The following RBM11 variants were observed in gnomAD, a reference collection of about 807,000 sequenced individuals.
The protein encoded by RBM11 is splicing regulator RBM11.
A neutral mutation model predicts 21.4 loss-of-function variants in RBM11; 18 were observed. The observed-to-expected ratio is 0.84, with a 90% CI of 0.58 to 1.25. The LOEUF (loss-of-function observed/expected upper bound fraction) is 1.25. Among genes scored for constraint, RBM11 ranks in the 50% most tolerant of loss-of-function variants. The pLI, the probability that RBM11 is intolerant of heterozygous loss-of-function variation, is 0.00. For missense variants in RBM11, 294 were observed against 331.9 expected, an observed-to-expected ratio of 0.89 and a Z score of 0.89; for synonymous variants, 120 against 116.3, an observed-to-expected ratio of 1.03 and a Z score of -0.20.
intron 1 of RBM11, among the ~76,000 whole-genome samples, chr21:14,216,513 G>A (rs1430115482): frequency 6.6e-6 from 1 of 152,114 alleles, no homozygotes; most frequent in African/African-American, 2.4e-5. Flanking sequence ...CAGGGACGTG[G>A]TTCCTTCAAC....
intron 1 of RBM11, among the ~76,000 whole-genome samples, chr21:14,219,059 GA>G (rs1297505805): frequency 6.6e-6 from 1 of 151,984 alleles, no homozygotes; most frequent in Non-Finnish European, 1.5e-5. Context: ...TTACCAGATG[GA>G]GTTTCCAAAT....
At chr21:14,224,212 C>A (rs1420969969) in intron 3 of RBM11, among the ~76,000 whole-genome samples, 1 of 152,100 alleles carries the variant, frequency 6.6e-6, no homozygotes, top group Admixed American at 6.5e-5. Flanking sequence ...TCTGCAGTGA[C>A]CCTTTTTCCA....
chr21:14,223,413 G>A (rs1476910321), intron 3 of RBM11, among the ~76,000 whole-genome samples: 1 of 152,138 alleles, frequency 6.6e-6, no homozygotes, highest in Admixed American at 6.5e-5. Flanking sequence ...CTATAACAAA[G>A]TACCGCAAAC....
intron 3 of RBM11, among the ~76,000 whole-genome samples, chr21:14,223,740 G>A (rs1978861867): frequency 6.6e-6 from 1 of 152,106 alleles, no homozygotes; most frequent in Non-Finnish European, 1.5e-5. Flanking sequence ...GAGGTGATTG[G>A]GTCATGAAGG....
intron 4 of RBM11, among the ~76,000 whole-genome samples, chr21:14,225,849 T>C (rs1304743704): frequency 6.6e-6 from 1 of 152,102 alleles, no homozygotes; most frequent in East Asian, 1.9e-4. Flanking sequence ...GTTAAGAGCT[T>C]GTTTGTTTTT....
In RBM11 at chr21:14,219,653, G is replaced by T; in HGVS notation, c.187G>T (p.Val63Leu). Residue 63 changes from valine to leucine, a missense_variant, in exon 2 of 5, where the codon GTG becomes TTG. By Grantham distance (32) the Val-to-Leu change is conservative. Around this residue, in one of 2 missense-constraint regions of RBM11, gnomAD observed 181 missense variants for 164.6 expected, o/e 1.10. Transcript: ENST00000400577. ...GFVCFKHPES[V>L]SYAIALLNGI... ...TGTCTGCTTTAAACACCCAGAATCG[G>T]TGTCTTATGCCATAGCTTTGCTGAA... 6.2e-7 allele frequency: 1 copy of T among 1,608,376 alleles called. No homozygotes were observed. The highest frequency in any genetic ancestry group is 1.1e-5 in the South Asian group (1 of 90,380).
intron 3 of RBM11, 199 bp downstream of exon 3, chr21:14,221,368 TA>T (rs1249138189): frequency 1.7e-5 from 10 of 577,054 alleles, no homozygotes; most frequent in African/African-American, 3.9e-5. Context: ...TTTTCAGTAG[TA>T]GGGGGTAGAG....
intron 4 of RBM11, among the ~76,000 whole-genome samples, chr21:14,226,610 A>T (rs62226933): frequency 0.21 from 27,874 of 132,142 alleles, 2,626 homozygotes; most frequent in African/African-American, 0.26. Context: ...ACAAAGTGAG[A>T]CCCTGTCTCA....
At chr21:14,216,931 A>G (rs1278833782) in intron 1 of RBM11, among the ~76,000 whole-genome samples, 1 of 152,194 alleles carries the variant, frequency 6.6e-6, no homozygotes. Context: ...ATCACTTGCC[A>G]AAAAGATACA....
At chr21:14,224,658 C>A in intron 4 of RBM11, 121 bp downstream of exon 4, 1 of 1,352,556 alleles carries the variant, frequency 7.4e-7, no homozygotes, top group African/African-American at 1.5e-5. Flanking sequence ...GATGTCCCAG[C>A]ACTGTCCTCC....
rs2020436611 is a variant in RBM11, at chr21:14,216,191, TC to T, written c.8del (p.Pro3LeufsTer15). 6.2e-7 allele frequency: 1 copy of T among 1,613,230 alleles called. No homozygotes were observed. The highest frequency in any genetic ancestry group is 1.7e-5 in the Admixed American group (1 of 59,972). On this transcript the variant is annotated frameshift_variant, in exon 1 of 5. Coordinates refer to ENST00000400577, the MANE Select transcript of RBM11 (RefSeq NM_144770.5). LOFTEE classifies it high-confidence loss of function. ...TTCTACGGCCGAGACCGGAGGATGT[TC>T]CCTGCTCAGGAGGAGGCCGACAGGA... M[F>X]PAQEEADRTV...
chr21:14,224,655 C>T (rs1978949541), intron 4 of RBM11, 118 bp downstream of exon 4: 1 of 1,364,704 alleles, frequency 7.3e-7, no homozygotes, highest in Admixed American at 2.9e-5. Context: ...CAAGATGTCC[C>T]AGCACTGTCC....
Position 14,219,628 on chromosome 21 carries a change from T to A in RBM11, c.162T>A (p.Phe54Leu). The change falls in exon 2 of 5, where the codon TTT becomes TTA. Residue 54 changes from phenylalanine (F) to leucine (L), a missense_variant. Phe to Leu is a conservative substitution (Grantham distance 22). Coordinates refer to ENST00000400577, the MANE Select transcript of RBM11 (RefSeq NM_144770.5). The part of the protein sequence containing the change: ...DREGKPKSFG[F>L]VCFKHPESVS... ...AAGGAAAGCCAAAGTCTTTTGGATT[T>A]GTCTGCTTTAAACACCCAGAATCGG... 1 of 1,605,202 alleles carries A rather than the reference T, an allele frequency of 6.2e-7. No individual in the cohort carries two copies. Among genetic ancestry groups the A allele is most frequent in the Non-Finnish European group, 8.5e-7 (1 of 1,173,960 alleles).
Position 14,216,299 on chromosome 21 carries a change from G to C in RBM11, c.96+17G>C. On this transcript the variant is annotated intron_variant, in intron 1 of 4. Transcript: ENST00000400577. ...TTCCTTCAGGTACCGTCTCTGGGAA[G>C]GGGCGGCGGAGGGGCGGAGCACGTC... The C allele has an allele frequency of 1.2e-6, 2 of 1,609,462 alleles. No individual in the cohort carries two copies. Among genetic ancestry groups the C allele is most frequent in the Non-Finnish European group, 1.7e-6 (2 of 1,177,130 alleles).
At chr21:14,221,833 A>G (rs1015235396) in intron 3 of RBM11, among the ~76,000 whole-genome samples, 5 of 152,198 alleles carry the variant, frequency 3.3e-5, no homozygotes, top group African/African-American at 1.2e-4. Flanking sequence ...AGCTTAGCAC[A>G]CTTAGGAAAA....
intron 1 of RBM11, among the ~76,000 whole-genome samples, chr21:14,217,689 T>C (rs2123387008): frequency 6.6e-6 from 1 of 152,250 alleles, no homozygotes; most frequent in South Asian, 2.1e-4. Context: ...ATATCTGTTT[T>C]TTCATTCAGT....
intron 1 of RBM11, among the ~76,000 whole-genome samples, chr21:14,218,363 A>G (rs1159212729): frequency 2.0e-5 from 3 of 152,158 alleles, no homozygotes; most frequent in Non-Finnish European, 4.4e-5. Context: ...TTATACTTGG[A>G]AATGAGAAAA....
intron 1 of RBM11, among the ~76,000 whole-genome samples, chr21:14,217,829 G>A (rs1978342875): frequency 6.6e-6 from 1 of 152,128 alleles, no homozygotes; most frequent in South Asian, 2.1e-4. Flanking sequence ...AAGGAGAGTG[G>A]AAGACTGGGG....
intron 1 of RBM11, 49 bp from the exon 2 acceptor site, chr21:14,219,514 A>T (rs563039264): frequency 1.1e-5 from 14 of 1,332,190 alleles, no homozygotes; most frequent in East Asian, 1.0e-4. Context: ...ATTTGAGTAT[A>T]AAAAAAATCT....
Sources: allele counts gnomAD v4.1 joint callset (sites outside exome capture counted in the v4.1 genomes callset), GRCh38; gene constraint gnomAD v4.1.1; regional missense constraint gnomAD v4.1.1; transcripts MANE v1.5; gene names NCBI Gene and HGNC (gene_info 2026-07-23, HGNC 2026-07-21).